PCDHA4: variants seen among roughly 807,000 people sequenced by gnomAD.
PCDHA4 encodes the protein protocadherin alpha-4.
Under a neutral mutation model 61.4 loss-of-function variants are expected in PCDHA4, and 49 were observed. That is an observed-to-expected ratio of 0.80 (90% confidence interval 0.63 to 1.01). The LOEUF is 1.01. Ranked by LOEUF, PCDHA4 falls within the 50% of genes least tolerant of loss-of-function variation. The pLI, the probability that PCDHA4 is intolerant of heterozygous loss-of-function variation, is 0.00. For synonymous variants in PCDHA4, 590 were observed against 550.3 expected, an observed-to-expected ratio of 1.07 and a Z score of -1.01; for missense variants, 1,254 against 1,235.8, an observed-to-expected ratio of 1.01 and a Z score of -0.22.
At chr5:140,820,623 T>A (rs1166296967) in intron 1 of PCDHA4, among the ~76,000 whole-genome samples, 9 of 152,042 alleles carry the variant, frequency 5.9e-5, no homozygotes, top group Admixed American at 5.9e-4. Context: ...AATCATACCA[T>A]CCAGTAAACA....
At position 140,807,132 on chromosome 5, in the gene PCDHA4, T is replaced by A; in HGVS notation, c.-56T>A. The A allele has an allele frequency of 1.3e-6, 2 of 1,559,298 alleles. No individual in the cohort carries two copies. Among genetic ancestry groups the A allele is most frequent in the Non-Finnish European group, 1.7e-6 (2 of 1,149,754 alleles). ...TGCACTTGACTGACCGATTAAAAGA[T>A]TTCCCTTGACTTTGAGAAACGATAT... On this transcript the variant is annotated 5_prime_UTR_variant, in exon 1 of 4. Transcript: ENST00000530339.
At chr5:140,819,285 A>C (rs1309010996) in intron 1 of PCDHA4, among the ~76,000 whole-genome samples, 1 of 152,158 alleles carries the variant, frequency 6.6e-6, no homozygotes, top group East Asian at 1.9e-4. Context: ...AGAGAAGAAA[A>C]ATATAGCTTA....
intron 1 of PCDHA4, among the ~76,000 whole-genome samples, chr5:140,840,617 T>C (rs2150308160): frequency 2.0e-5 from 3 of 152,150 alleles, no homozygotes; most frequent in African/African-American, 7.2e-5. Context: ...AGGCTGAATT[T>C]AACAAGCTAT....
At chr5:140,852,612 C>T (rs1177069451) in intron 1 of PCDHA4, 3 of 914,508 alleles carry the variant, frequency 3.3e-6, no homozygotes, top group Non-Finnish European at 4.0e-6. Context: ...TCTTTCAAAA[C>T]TTGAGTGGTC....
intron 1 of PCDHA4, chr5:140,883,572 T>C: frequency 6.2e-7 from 1 of 1,614,098 alleles, no homozygotes; most frequent in Non-Finnish European, 8.5e-7. Flanking sequence ...TCGCCTTCGC[T>C]GTGGGCCACG....
At chr5:140,895,115 T>C (rs2064854715) in intron 1 of PCDHA4, among the ~76,000 whole-genome samples, 1 of 152,182 alleles carries the variant, frequency 6.6e-6, no homozygotes, top group Non-Finnish European at 1.5e-5. Flanking sequence ...CAAGAAGACA[T>C]TTGTTAGTTG....
rs2042367518 is a variant in PCDHA4 at position 140,852,542 on chromosome 5, C to T, written c.2385+42970C>T. Reference sequence around the variant, plus strand: ...GCTCCCACCTCGGCCTCCCAAAGTGCTGGGATTAAAGCTGTGAGCCACTGT... The same window carrying T: ...GCTCCCACCTCGGCCTCCCAAAGTGTTGGGATTAAAGCTGTGAGCCACTGT... On this transcript the variant is annotated intron_variant, in intron 1 of 3. Transcript: ENST00000530339. 35 of 557,808 alleles carry T rather than the reference C, an allele frequency of 6.3e-5. 3 individuals are homozygous for T. The highest frequency in any genetic ancestry group is 8.0e-5 in the Non-Finnish European group (34 of 426,308). 34.6% of individuals were successfully genotyped at this position (557,808 alleles called of 1,614,324 possible).
At chr5:140,855,278 G>A (rs251360) in intron 1 of PCDHA4, among the ~76,000 whole-genome samples, 95,551 of 148,822 alleles carry the variant, frequency 0.64, 33,178 homozygotes, top group African/African-American at 0.69. Context: ...CTCAACCACC[G>A]TATTACTATT....
At position 140,903,003 on chromosome 5, in the gene PCDHA4, A is replaced by C. The variant is rs115622636; in HGVS notation, c.2386-75946A>C. On this transcript the variant is annotated intron_variant, in intron 1 of 3. Transcript: ENST00000530339. ...TGGTTCCATATTTTTGCAATTGTGAATTGTGCTGCTATCAACATGGCTTGC... is the reference window on the plus strand; with the variant it reads ...TGGTTCCATATTTTTGCAATTGTGACTTGTGCTGCTATCAACATGGCTTGC... Among the ~76,000 whole-genome samples the C allele has an allele frequency of 4.6e-3, 703 of 152,302 alleles. 3 individuals are homozygous for C. The highest frequency in any genetic ancestry group is 0.016 in the African/African-American group (680 of 41,574).
At chr5:140,833,791 C>T (rs1164373898) in intron 1 of PCDHA4, among the ~76,000 whole-genome samples, 2 of 152,062 alleles carry the variant, frequency 1.3e-5, no homozygotes, top group Non-Finnish European at 2.9e-5. Context: ...TCTCTTTCAT[C>T]AATCAGTAGA....
chr5:140,816,502 T>G (rs1390096829), intron 1 of PCDHA4: 1 of 116,200 alleles, frequency 8.6e-6, no homozygotes, highest in African/African-American at 3.4e-5. Flanking sequence ...TTTCTGGAGG[T>G]GTGTTTGTGT....
intron 1 of PCDHA4, chr5:140,821,966 G>T (rs1280808656): frequency 6.2e-7 from 1 of 1,614,052 alleles, no homozygotes; most frequent in African/African-American, 1.3e-5. Flanking sequence ...CGCCTGTTCC[G>T]GGTGGCGTCC....
In PCDHA4 at chr5:140,808,700, T is replaced by A; in HGVS notation, c.1513T>A (p.Ser505Thr). 6.2e-7 allele frequency: 1 copy of A among 1,612,106 alleles called. No homozygotes were observed. Among genetic ancestry groups the A allele is most frequent in the Non-Finnish European group, 8.5e-7 (1 of 1,179,778 alleles). Reference sequence around the variant, plus strand: ...GCGGCGGGTAGGGGAGCGCGCGCTGTCGAGCTACGTTTCGGTGCATGCGGA... The same window carrying A: ...GCGGCGGGTAGGGGAGCGCGCGCTGACGAGCTACGTTTCGGTGCATGCGGA... ...VERRVGERAL[S>T]SYVSVHAESG... The change falls in exon 1 of 4, where the codon TCG becomes ACG. Residue 505 changes from serine to threonine, a missense_variant. Coordinates refer to ENST00000530339, the MANE Select transcript of PCDHA4 (RefSeq NM_018907.4).
intron 1 of PCDHA4, among the ~76,000 whole-genome samples, chr5:140,855,631 C>T (rs1193422916): frequency 1.3e-5 from 2 of 149,640 alleles, no homozygotes; most frequent in African/African-American, 4.9e-5. Flanking sequence ...TGAAATTCGG[C>T]TATTGATAAT....
chr5:140,850,459 G>A (rs2150485191), intron 1 of PCDHA4: 2 of 1,598,012 alleles, frequency 1.3e-6, no homozygotes, highest in South Asian at 2.2e-5. Context: ...AAAGACCACG[G>A]GGAGCCAGCG....
At chr5:141,002,456 A>G (rs2098081347) in intron 3 of PCDHA4, among the ~76,000 whole-genome samples, 1 of 152,242 alleles carries the variant, frequency 6.6e-6, no homozygotes, top group Non-Finnish European at 1.5e-5. Context: ...GCACATTTGT[A>G]TAACGCTTTA....
chr5:140,854,000 CA>C (rs112540154), intron 1 of PCDHA4: 19,868 of 339,900 alleles, frequency 0.058, 122 homozygotes, highest in Non-Finnish European at 0.062. Context: ...TCATCTCTGC[CA>C]AAAAAAAAAA....
At chr5:140,938,870 A>C (rs560302282) in intron 1 of PCDHA4, among the ~76,000 whole-genome samples, 1 of 152,264 alleles carries the variant, frequency 6.6e-6, no homozygotes, top group South Asian at 2.1e-4. Flanking sequence ...TTAAAAGTTA[A>C]GAAGCAACAC....
chr5:140,943,729 A>G (rs1215938127), intron 1 of PCDHA4, among the ~76,000 whole-genome samples: 1 of 152,374 alleles, frequency 6.6e-6, no homozygotes, highest in South Asian at 2.1e-4. Context: ...TGAGAGAATG[A>G]AAGTCCACAG....
Sources: allele counts gnomAD v4.1 joint callset (sites outside exome capture counted in the v4.1 genomes callset), GRCh38; gene constraint gnomAD v4.1.1; transcripts MANE v1.5; gene names NCBI Gene and HGNC (gene_info 2026-07-23, HGNC 2026-07-21).